The following HPGD variants were observed in gnomAD, a reference collection of about 807,000 sequenced individuals.
HPGD encodes 15-hydroxyprostaglandin dehydrogenase.
A neutral mutation model predicts 30.0 loss-of-function variants in HPGD; 29 were observed. The observed-to-expected ratio is 0.97, with a 90% confidence interval of 0.72 to 1.32. HPGD has a LOEUF of 1.32. Ranked by LOEUF, HPGD falls within the 40% of genes most tolerant of loss-of-function variation. The pLI, the probability that HPGD is intolerant of heterozygous loss-of-function variation, is 0.00. For synonymous variants in HPGD, 99 were observed against 112.4 expected, an observed-to-expected ratio of 0.88 and a Z score of 0.75; for missense variants, 340 against 322.1, an observed-to-expected ratio of 1.06 and a Z score of -0.43.
At chr4:174,493,460 A>G in intron 5 of HPGD, 146 bp from the exon 6 acceptor site, 3 of 707,186 alleles carry the variant, frequency 4.2e-6, no homozygotes, top group Middle Eastern at 5.5e-4. Flanking sequence ...TGGTAAATAG[A>G]TAGTAAAATA....
chr4:174,503,034 A>G (rs564331582), intron 4 of HPGD, among the ~76,000 whole-genome samples: 1 of 152,354 alleles, frequency 6.6e-6, no homozygotes, highest in South Asian at 2.1e-4. Context: ...CTAGAAGACT[A>G]TTCGTTTCTC....
At position 174,522,415 on chromosome 4, in the gene HPGD, C is replaced by A. The variant is rs917058294; in HGVS notation, c.37G>T (p.Ala13Ser). 6.3e-7 allele frequency: 1 copy of A among 1,583,864 alleles called. No homozygotes were observed. ...AAGGCTCTGCCTATGCCCTGAGCCG[C>A]GCCGGTCACCAGCGCCACTTTGCCG... is the stretch of plus-strand genomic sequence containing the variant. ...VNGKVALVTGAAQGIGRAFAE... is the reference protein window; with the variant it reads ...VNGKVALVTGSAQGIGRAFAE... Residue 13 changes from alanine to serine, a missense_variant, in exon 1 of 7, where the codon GCG (alanine) becomes TCG (serine). By Grantham distance (99) the Ala-to-Ser change is moderately conservative. Coordinates refer to ENST00000296522, the MANE Select transcript of HPGD (RefSeq NM_000860.6).
chr4:174,514,674 G>A (rs1735679141), intron 3 of HPGD, among the ~76,000 whole-genome samples: 1 of 152,022 alleles, frequency 6.6e-6, no homozygotes, highest in South Asian at 2.1e-4. Context: ...AGAGCAATCT[G>A]GCAAGAGAAA....
chr4:174,516,116 A>C (rs1426144633), intron 3 of HPGD, among the ~76,000 whole-genome samples: 3 of 152,218 alleles, frequency 2.0e-5, no homozygotes, highest in Admixed American at 6.5e-5. Context: ...CAGAACTACC[A>C]TTCAACCCAG....
intron 1 of HPGD, 62 bp downstream of exon 1, chr4:174,522,297 C>A: frequency 6.8e-7 from 1 of 1,474,972 alleles, no homozygotes; most frequent in East Asian, 2.5e-5. Context: ...GCACCTCGGG[C>A]GGCGGGGCGA....
intron 4 of HPGD, among the ~76,000 whole-genome samples, chr4:174,503,401 G>A (rs1179147653): frequency 6.6e-6 from 1 of 152,182 alleles, no homozygotes; most frequent in Non-Finnish European, 1.5e-5. Context: ...GAGATTCATT[G>A]TTCAACTATA....
rs1414373421 is a variant in HPGD, at chr4:174,491,066, GTAATT to G, written c.*885_*889del. 2 of 152,734 alleles carry G rather than the reference GTAATT, an allele frequency of 1.3e-5. No individual in the cohort carries two copies. Among genetic ancestry groups the G allele is most frequent in the East Asian group, 3.8e-4 (2 of 5,326 alleles). The allele number at this position is 152,734 out of a possible 1,614,324, so 9.5% of individuals were successfully genotyped here. A position where few individuals can be genotyped will look rare whatever the true frequency, so the allele number is the denominator to read the frequency against. Reference sequence around the variant, plus strand: ...TTGATAGCTATACATAGAAGACTAAGTAATTTATGGAGATCAGAATAAAAAAGTTT... The same window carrying G: ...TTGATAGCTATACATAGAAGACTAAGTATGGAGATCAGAATAAAAAAGTTT... On this transcript the variant is annotated 3_prime_UTR_variant, in exon 7 of 7. Coordinates refer to ENST00000296522, the MANE Select transcript of HPGD (RefSeq NM_000860.6).
At chr4:174,505,076 A>G (rs1270558785) in intron 4 of HPGD, among the ~76,000 whole-genome samples, 1 of 152,230 alleles carries the variant, frequency 6.6e-6, no homozygotes, top group Admixed American at 6.5e-5. Context: ...GTGGAACTCC[A>G]GACTAGAGCA....
chr4:174,508,034 A>G, intron 4 of HPGD: 1 of 677,276 alleles, frequency 1.5e-6, no homozygotes, highest in Non-Finnish European at 2.7e-6. Flanking sequence ...GGTTCTTAAA[A>G]GAGTAGCCAT....
At position 174,491,186 on chromosome 4, in the gene HPGD, G is replaced by A. The variant is rs917833610; in HGVS notation, c.*770C>T. On this transcript the variant is annotated 3_prime_UTR_variant, in exon 7 of 7. Transcript: ENST00000296522. ...TACATTTGCATTTTTTTCTTGTTGAGCATCTTAAATATAATATTTTTGGAG... is the reference window on the plus strand; with the variant it reads ...TACATTTGCATTTTTTTCTTGTTGAACATCTTAAATATAATATTTTTGGAG... 1 of 152,552 alleles carries A rather than the reference G, an allele frequency of 6.6e-6. No homozygotes were observed. The highest frequency in any genetic ancestry group is 2.4e-5 in the African/African-American group (1 of 41,416). The allele number at this position is 152,552 out of a possible 1,614,324, so 9.4% of individuals were successfully genotyped here. A position where few individuals can be genotyped will look rare whatever the true frequency, so the allele number is the denominator to read the frequency against.
At chr4:174,514,421 AAG>A (rs1735662467) in intron 3 of HPGD, among the ~76,000 whole-genome samples, 1 of 152,148 alleles carries the variant, frequency 6.6e-6, no homozygotes, top group African/African-American at 2.4e-5. Flanking sequence ...AAAGTTTTAA[AAG>A]AACTGCAAGG....
rs1734365173 is a variant in HPGD, at chr4:174,492,037, A to G, written c.720T>C (p.Gly240=). The change falls in exon 7 of 7, where the codon GGT becomes GGC. Residue 240 remains glycine, a synonymous_variant. Transcript: ENST00000296522. The surrounding 1 kb of genome is among the most constrained non-coding windows in gnomAD (Gnocchi z 4.9). ...ITLIEDDALN[G]AIMKITTSKG... ...TAGAAGTTGTGATCTTCATAATAGCACCATTTAAAGCATCATCTTCAATGA... is the reference window on the plus strand; with the variant it reads ...TAGAAGTTGTGATCTTCATAATAGCGCCATTTAAAGCATCATCTTCAATGA... The G allele has an allele frequency of 6.2e-7, 1 of 1,609,292 alleles. No individual in the cohort carries two copies. The highest frequency in any genetic ancestry group is 8.5e-7 in the Non-Finnish European group (1 of 1,175,938).
intron 3 of HPGD, among the ~76,000 whole-genome samples, chr4:174,514,757 A>G (rs1354058958): frequency 3.9e-5 from 6 of 152,136 alleles, no homozygotes; most frequent in Non-Finnish European, 5.9e-5. Context: ...GATTCTATAC[A>G]TAGAAAACAC....
rs1253240886 is a variant in HPGD at position 174,493,192 on chromosome 4, C to T, written c.621G>A (p.Lys207=). The change falls in exon 6 of 7, where the codon AAG becomes AAA. Residue 207 remains lysine, a synonymous_variant. Coordinates refer to ENST00000296522, the MANE Select transcript of HPGD (RefSeq NM_000860.6). ...ATTTAATCATATCCTTGATATGATC[C>T]TTATATTCTATATATTGTCCCATGT... ...EENMGQYIEY[K]DHIKDMIKYY... 6.2e-7 allele frequency: 1 copy of T among 1,605,974 alleles called. No homozygotes were observed. The highest frequency in any genetic ancestry group is 8.5e-7 in the Non-Finnish European group (1 of 1,173,400).
chr4:174,515,976 A>C lies in HPGD; in HGVS notation c.324+1995T>G, dbSNP rs577010004. On this transcript the variant is annotated intron_variant, in intron 3 of 6. Transcript: ENST00000296522. The stretch of plus-strand genomic sequence containing the variant: ...AATGGCTATCATTAAGAAGTAAAAA[A>C]TAAATAAATAATGGATGTTGGCTTG... 7.9e-4 allele frequency among the ~76,000 whole-genome samples: 121 copies of C among 152,328 alleles called. 2 individuals carry two copies. Among genetic ancestry groups the C allele is most frequent in the African/African-American group, 2.9e-3 (119 of 41,568 alleles).
intron 2 of HPGD, among the ~76,000 whole-genome samples, chr4:174,519,283 A>G (rs929435429): frequency 5.4e-5 from 8 of 149,124 alleles, no homozygotes; most frequent in East Asian, 2.0e-4. Flanking sequence ...GCCTGATCTC[A>G]GCTCACTGCA....
rs757006255 is a variant in HPGD, at chr4:174,494,700, T to C, written c.498+848A>G. On this transcript the variant is annotated intron_variant, in intron 5 of 6. Coordinates refer to ENST00000296522, the MANE Select transcript of HPGD (RefSeq NM_000860.6). This position sits in a 1 kb window ranked among gnomAD's most constrained non-coding sequence, Gnocchi z 4.9. ...TTTCTCTTCATCTCTCTAGCTGCTC[T>C]CTTTGTCTCACCTAGATGAACCACC... is the stretch of plus-strand genomic sequence containing the variant. Among the ~76,000 whole-genome samples, 1 of 152,234 alleles carries C rather than the reference T, an allele frequency of 6.6e-6. No homozygotes were observed. The highest frequency in any genetic ancestry group is 1.5e-5 in the Non-Finnish European group (1 of 68,034).
Position 174,492,380 on chromosome 4 carries a change from T to C in HPGD, c.663-286A>G, listed in dbSNP as rs17060537. 0.026 allele frequency among the ~76,000 whole-genome samples: 3,981 copies of C among 152,120 alleles called. 75 individuals carry two copies. Among genetic ancestry groups the C allele is most frequent in the Non-Finnish European group, 0.041 (2,785 of 67,868 alleles). Reference sequence around the variant, plus strand: ...TCATTTTGGCAGGAGGAATTTATACTCATTATTTTCACTGAGCAAATGATC... The same window carrying C: ...TCATTTTGGCAGGAGGAATTTATACCCATTATTTTCACTGAGCAAATGATC... On this transcript the variant is annotated intron_variant, in intron 6 of 6. Coordinates refer to ENST00000296522, the MANE Select transcript of HPGD (RefSeq NM_000860.6). This position sits in a 1 kb window ranked among gnomAD's most constrained non-coding sequence, Gnocchi z 4.9.
rs974100140 is a variant in HPGD, at chr4:174,495,607, G to A, written c.439C>T (p.Gln147Ter). The A allele has an allele frequency of 1.2e-6, 2 of 1,613,390 alleles. No individual in the cohort carries two copies. The highest frequency in any genetic ancestry group is 2.2e-5 in the East Asian group (1 of 44,870). Residue 147 changes from glutamine to a stop codon, truncating the protein, a stop_gained, in exon 5 of 7, where the codon CAG (glutamine) becomes TAG (stop). Coordinates refer to ENST00000296522, the MANE Select transcript of HPGD (RefSeq NM_000860.6). LOFTEE classifies it high-confidence loss of function. ...SSLAGLMPVA[Q>*]QPVYCASKHG... Reference sequence around the variant, plus strand: ...TTTGAAGCACAATAAACCGGCTGCTGTGCAACGGGCATGAGTCCTGAAACA... The same window carrying A: ...TTTGAAGCACAATAAACCGGCTGCTATGCAACGGGCATGAGTCCTGAAACA...
Sources: allele counts gnomAD v4.1 joint callset (sites outside exome capture counted in the v4.1 genomes callset), GRCh38; gene constraint gnomAD v4.1.1; non-coding constraint Gnocchi (gnomAD v3.1); transcripts MANE v1.5; gene names NCBI Gene and HGNC (gene_info 2026-07-23, HGNC 2026-07-21).